SNX4: variants seen among roughly 807,000 people sequenced by gnomAD.
SNX4 encodes sorting nexin-4.
A neutral mutation model predicts 70.8 loss-of-function variants in SNX4; 49 were observed. The ratio of observed to expected loss-of-function variants is 0.69; its 90% CI spans 0.55 to 0.88. The LOEUF is 0.88. Among genes scored for constraint, SNX4 ranks in the 40% least tolerant of loss-of-function variants. The pLI is 0.00. For synonymous variants in SNX4, 206 were observed against 183.8 expected, an observed-to-expected ratio of 1.12 and a Z score of -0.98; for missense variants, 528 against 544.8, an observed-to-expected ratio of 0.97 and a Z score of 0.31.
chr3:125,493,944 G>A (rs1934722395), intron 5 of SNX4, among the ~76,000 whole-genome samples: 1 of 151,782 alleles, frequency 6.6e-6, no homozygotes, highest in Admixed American at 6.6e-5. Context: ...GGCTGAGGCA[G>A]GAGAATGGCG....
intron 6 of SNX4, among the ~76,000 whole-genome samples, chr3:125,486,216 T>C (rs9830707): frequency 0.45 from 68,246 of 151,994 alleles, 15,447 homozygotes; most frequent in Admixed American, 0.51. Flanking sequence ...CTATCCATAC[T>C]TCCTGCCCCA....
chr3:125,480,405 A>T, intron 6 of SNX4, 86 bp from the exon 7 acceptor site: 1 of 666,190 alleles, frequency 1.5e-6, no homozygotes, highest in Non-Finnish European at 2.4e-6. Context: ...GTTCCCGACA[A>T]TAACAAAACT....
chr3:125,514,155 G>A (rs1274724676), intron 1 of SNX4, among the ~76,000 whole-genome samples: 1 of 151,852 alleles, frequency 6.6e-6, no homozygotes, highest in African/African-American at 2.4e-5. Context: ...TTCAACATAT[G>A]AATTTTGGGG....
intron 11 of SNX4, 67 bp from the exon 12 acceptor site, chr3:125,454,022 A>T (rs1295974930): frequency 3.7e-6 from 5 of 1,347,640 alleles, no homozygotes; most frequent in Non-Finnish European, 5.2e-6. Context: ...ATACAATGGA[A>T]CATTATTCAG....
intron 12 of SNX4, among the ~76,000 whole-genome samples, chr3:125,453,255 A>G (rs1258634127): frequency 2.0e-5 from 3 of 152,140 alleles, no homozygotes; most frequent in Admixed American, 2.0e-4. Flanking sequence ...AAACTGCCAT[A>G]CCATACTGGC....
chr3:125,469,432 C>T (rs958202632), intron 9 of SNX4, 22 bp downstream of exon 9: 3 of 1,588,760 alleles, frequency 1.9e-6, no homozygotes, highest in Non-Finnish European at 2.6e-6. Context: ...TCAGGCTTCA[C>T]AAAAGTTCTC....
rs770337672 is a variant in SNX4, at chr3:125,460,758, T to A, written c.944+13A>T. On this transcript the variant is annotated intron_variant, in intron 10 of 13. Transcript: ENST00000251775. ...AACCCTGTGGCTGCACCTGGAACTT[T>A]TATTAAACTTACCGCAATGCTTCTG... is the stretch of plus-strand genomic sequence containing the variant. The A allele has an allele frequency of 7.0e-7, 1 of 1,423,236 alleles. No homozygotes were observed. The highest frequency in any genetic ancestry group is 9.6e-7 in the Non-Finnish European group (1 of 1,038,326). The allele number at this position is 1,423,236 out of a possible 1,614,324, so 88.2% of individuals were successfully genotyped here.
chr3:125,478,597 A>G (rs1185135943), intron 7 of SNX4, among the ~76,000 whole-genome samples: 3 of 151,900 alleles, frequency 2.0e-5, no homozygotes, highest in Non-Finnish European at 2.9e-5. Flanking sequence ...CATTCCAGAG[A>G]ATATATGATG....
At chr3:125,453,123 A>G (rs1012095532) in intron 12 of SNX4, among the ~76,000 whole-genome samples, 13 of 152,208 alleles carry the variant, frequency 8.5e-5, no homozygotes, top group Non-Finnish European at 1.5e-4. Context: ...TTATGTAACA[A>G]TTACATGCTA....
chr3:125,464,549 G>GATC (rs1161965695), intron 9 of SNX4, among the ~76,000 whole-genome samples: 4 of 128,848 alleles, frequency 3.1e-5, no homozygotes, highest in Non-Finnish European at 6.5e-5. Context: ...CTGTTCCATT[G>GATC]ATCTATTTAT....
chr3:125,476,826 A>G (rs1260331793), intron 7 of SNX4, 70 bp from the exon 8 acceptor site: 1 of 813,602 alleles, frequency 1.2e-6, no homozygotes, highest in African/African-American at 1.8e-5. Context: ...ATAGACCCAA[A>G]AAACAAAAAA....
In SNX4 at chr3:125,457,361, C is replaced by T. The variant is rs1176967719; in HGVS notation, c.949G>A (p.Val317Met). The change falls in exon 11 of 14, where the codon GTG becomes ATG. Residue 317 changes from valine to methionine, a missense_variant. This residue lies in a region of SNX4 where 159 missense variants were observed against 172.6 expected (regional missense o/e 0.92). Coordinates refer to ENST00000251775, the MANE Select transcript of SNX4 (RefSeq NM_003794.4). ...TGCATAAGTTCATGTTTCCTGCACA[C>T]AGCCCTACAGATGAAAAAATGTGCT... ...YLFYAEALRA[V>M]CRKHELMQYD... The T allele has an allele frequency of 1.2e-6, 2 of 1,611,566 alleles. No homozygotes were observed. Among genetic ancestry groups the T allele is most frequent in the South Asian group, 1.1e-5 (1 of 90,936 alleles).
chr3:125,508,074 G>A (rs1278355643), intron 1 of SNX4, among the ~76,000 whole-genome samples: 1 of 152,078 alleles, frequency 6.6e-6, no homozygotes, highest in Non-Finnish European at 1.5e-5. Context: ...ATAAATAAAT[G>A]AAAACACATC....
chr3:125,486,539 T>C (rs1379383101), intron 6 of SNX4, among the ~76,000 whole-genome samples: 3 of 152,192 alleles, frequency 2.0e-5, no homozygotes, highest in East Asian at 1.9e-4. Context: ...GGCAGGAGAA[T>C]GGCGTGAATC....
chr3:125,518,283 A>C (rs2107577547), intron 1 of SNX4, among the ~76,000 whole-genome samples: 1 of 151,890 alleles, frequency 6.6e-6, no homozygotes, highest in Admixed American at 6.6e-5. Flanking sequence ...ACACAGAGAT[A>C]CCTCATCTTT....
chr3:125,450,608 T>C (rs73859194), intron 13 of SNX4, among the ~76,000 whole-genome samples: 4,236 of 152,272 alleles, frequency 0.028, 91 homozygotes, highest in East Asian at 0.13. Context: ...TCTTAGGTTA[T>C]AAAAAAGAGG....
At chr3:125,476,805 T>C in intron 7 of SNX4, 49 bp from the exon 8 acceptor site, 1 of 1,152,070 alleles carries the variant, frequency 8.7e-7, no homozygotes, top group Non-Finnish European at 1.3e-6. Context: ...AGTTATATCC[T>C]CATCTAAAAA....
At chr3:125,481,006 T>C (rs375112511) in intron 6 of SNX4, among the ~76,000 whole-genome samples, 2 of 152,242 alleles carry the variant, frequency 1.3e-5, no homozygotes, top group Admixed American at 6.5e-5. Context: ...AGGTCTCTCA[T>C]AGATTAAAAT....
intron 1 of SNX4, among the ~76,000 whole-genome samples, chr3:125,510,474 C>A (rs1034829191): frequency 6.6e-6 from 1 of 152,116 alleles, no homozygotes; most frequent in Non-Finnish European, 1.5e-5. Flanking sequence ...TGTGATCCAC[C>A]CGCCTCAGCC....
Sources: allele counts gnomAD v4.1 joint callset (sites outside exome capture counted in the v4.1 genomes callset), GRCh38; gene constraint gnomAD v4.1.1; regional missense constraint gnomAD v4.1.1; transcripts MANE v1.5; gene names NCBI Gene and HGNC (gene_info 2026-07-23, HGNC 2026-07-21).